CAMK1D: variants seen among roughly 807,000 people sequenced by gnomAD.
CAMK1D encodes the protein calcium/calmodulin dependent protein kinase ID.
In CAMK1D, 9 loss-of-function variants were observed where a neutral mutation model predicts 47.7. The observed-to-expected ratio is 0.19, with a 90% CI of 0.11 to 0.33. The LOEUF (loss-of-function observed/expected upper bound fraction) is 0.33. Among genes scored for constraint, CAMK1D ranks in the 10% least tolerant of loss-of-function variants. The pLI is 1.00. For missense variants in CAMK1D, 291 were observed against 488.7 expected (o/e 0.60, Z 3.81); for synonymous variants, 184 against 184.9 (o/e 0.99, Z 0.04).
chr10:12,378,105 G>A (rs1838234991), intron 1 of CAMK1D, among the ~76,000 whole-genome samples: 1 of 152,198 alleles, frequency 6.6e-6, no homozygotes, highest in Non-Finnish European at 1.5e-5. Context: ...ATGACCTCTG[G>A]GGGACTAGAC....
At chr10:12,521,349 TCTTTGA>T (rs1835409947) in intron 1 of CAMK1D, among the ~76,000 whole-genome samples, 2 of 152,230 alleles carry the variant, frequency 1.3e-5, no homozygotes, top group South Asian at 4.1e-4. Context: ...AACTTGCCTG[TCTTTGA>T]CTTTTGGACT....
chr10:12,492,363 AAAG>A (rs1214543832), intron 1 of CAMK1D, among the ~76,000 whole-genome samples: 2 of 151,754 alleles, frequency 1.3e-5, no homozygotes, highest in Non-Finnish European at 2.9e-5. Flanking sequence ...AAAAAAAAAA[AAAG>A]AAAAGACTGG....
intron 2 of CAMK1D, among the ~76,000 whole-genome samples, chr10:12,640,912 A>C (rs1250341586): frequency 6.6e-6 from 1 of 152,202 alleles, no homozygotes; most frequent in East Asian, 1.9e-4. Flanking sequence ...AATTATGAAG[A>C]ATAATTTATC....
At chr10:12,441,450 G>C (rs1832781210) in intron 1 of CAMK1D, among the ~76,000 whole-genome samples, 1 of 151,714 alleles carries the variant, frequency 6.6e-6, no homozygotes, top group Admixed American at 6.6e-5. Flanking sequence ...ACCCACTTTG[G>C]CCTTTCAAAG....
chr10:12,795,015 G>GA (rs1366092743), intron 6 of CAMK1D, among the ~76,000 whole-genome samples: 4 of 152,188 alleles, frequency 2.6e-5, no homozygotes, highest in African/African-American at 4.8e-5. Flanking sequence ...GAATAGAGAA[G>GA]GTAATCAATA....
At chr10:12,551,814 T>C (rs112918638) in intron 1 of CAMK1D, among the ~76,000 whole-genome samples, 190 of 152,218 alleles carry the variant, frequency 1.2e-3, no homozygotes, top group African/African-American at 4.1e-3. Flanking sequence ...CCCGGGTCCA[T>C]GGAAAAACTG....
intron 2 of CAMK1D, among the ~76,000 whole-genome samples, chr10:12,559,326 C>A (rs565098174): frequency 6.6e-6 from 1 of 152,180 alleles, no homozygotes; most frequent in East Asian, 1.9e-4. Context: ...TATGCTGATG[C>A]GCAGGCCCCA....
intron 1 of CAMK1D, among the ~76,000 whole-genome samples, chr10:12,539,178 A>T (rs149831830): frequency 1.8e-4 from 27 of 152,246 alleles, no homozygotes; most frequent in African/African-American, 6.5e-4. Flanking sequence ...TTAAGCCAGA[A>T]TATTGATTTT....
intron 3 of CAMK1D, among the ~76,000 whole-genome samples, chr10:12,743,428 A>G (rs1835526470): frequency 6.6e-6 from 1 of 152,144 alleles, no homozygotes; most frequent in African/African-American, 2.4e-5. Flanking sequence ...GGTCGTATAA[A>G]AATTTGCCTT....
intron 1 of CAMK1D, among the ~76,000 whole-genome samples, chr10:12,515,292 A>G (rs924613173): frequency 2.0e-5 from 3 of 152,016 alleles, no homozygotes; most frequent in Non-Finnish European, 4.4e-5. Flanking sequence ...GAACATTCCC[A>G]TAACTTCGCC....
In CAMK1D at chr10:12,465,019, G is replaced by T. The variant is rs192073491; in HGVS notation, c.93-88206G>T. 1.1e-4 allele frequency among the ~76,000 whole-genome samples: 16 copies of T among 152,284 alleles called. No homozygotes were observed. The South Asian group carries it at 1.4e-3, about 14-fold the overall frequency. On this transcript the variant is annotated intron_variant, in intron 1 of 10. Transcript: ENST00000619168. ...CTAAATTCCATTATGCCTTTACAGT[G>T]GTCATGTTGAAATCTGATGAGAATG...
intron 1 of CAMK1D, among the ~76,000 whole-genome samples, chr10:12,453,253 A>G (rs1167790451): frequency 2.0e-5 from 3 of 149,338 alleles, no homozygotes; most frequent in Non-Finnish European, 4.4e-5. Flanking sequence ...GCAGTGGTGC[A>G]GTCTTGGCTC....
intron 1 of CAMK1D, among the ~76,000 whole-genome samples, chr10:12,550,813 T>C (rs965473031): frequency 1.3e-5 from 2 of 152,206 alleles, no homozygotes; most frequent in African/African-American, 2.4e-5. Context: ...CTTGTATAAT[T>C]AAAAATAGAC....
At chr10:12,438,802 T>G (rs1203814610) in intron 1 of CAMK1D, among the ~76,000 whole-genome samples, 1 of 152,252 alleles carries the variant, frequency 6.6e-6, no homozygotes, top group African/African-American at 2.4e-5. Flanking sequence ...CTTCCCTGCC[T>G]TGCTCCATTC....
At chr10:12,462,248 C>A (rs1381872333) in intron 1 of CAMK1D, among the ~76,000 whole-genome samples, 1 of 146,346 alleles carries the variant, frequency 6.8e-6, no homozygotes, top group Non-Finnish European at 1.5e-5. Context: ...TCACTGCAAC[C>A]TTCGCCTCCC....
intron 1 of CAMK1D, among the ~76,000 whole-genome samples, chr10:12,498,028 G>A (rs143784202): frequency 6.6e-6 from 1 of 152,174 alleles, no homozygotes; most frequent in African/African-American, 2.4e-5. Context: ...AAAACCATCA[G>A]ATCTCATGAA....
At chr10:12,408,846 T>G (rs1274102774) in intron 1 of CAMK1D, among the ~76,000 whole-genome samples, 4 of 114,004 alleles carry the variant, frequency 3.5e-5, no homozygotes, top group Non-Finnish European at 5.6e-5. Flanking sequence ...CTTTCTTTCT[T>G]TCTTTTTTTT....
rs1564531413 is a variant in CAMK1D, at chr10:12,745,515, C to CT, written c.300-15431dup. 2.0e-5 allele frequency among the ~76,000 whole-genome samples: 3 copies of CT among 152,264 alleles called. No individual in the cohort carries two copies. In the East Asian group the frequency reaches 5.8e-4, roughly 29 times the overall value. On this transcript the variant is annotated intron_variant, in intron 3 of 10. Coordinates refer to ENST00000619168, the MANE Select transcript of CAMK1D (RefSeq NM_153498.4). The stretch of plus-strand genomic sequence containing the variant: ...AAGAAAGCATCTCTATCTAAGGTCA[C>CT]TTACATGAGTTTTTCAAGTGTTGCT...
intron 1 of CAMK1D, among the ~76,000 whole-genome samples, chr10:12,522,521 C>A (rs1480890720): frequency 1.3e-5 from 2 of 151,868 alleles, no homozygotes; most frequent in Admixed American, 6.6e-5. Context: ...GGGGCAAGGT[C>A]ATAGATCAAC....
Sources: gnomAD v4.1 joint callset for allele counts (sites outside exome capture counted in the v4.1 genomes callset) on GRCh38, gnomAD v4.1.1 for gene constraint, MANE v1.5 for transcripts, NCBI Gene and HGNC (gene_info 2026-07-23, HGNC 2026-07-21) for gene names.